CNBD1: variants seen among roughly 807,000 people sequenced by gnomAD.
The protein encoded by CNBD1 is cyclic nucleotide-binding domain-containing protein 1.
In CNBD1, 71 loss-of-function variants were observed where a neutral mutation model predicts 54.4. The observed-to-expected ratio is 1.30, with a 90% CI of 1.08 to 1.59. The LOEUF is 1.59. Ranked by LOEUF, CNBD1 falls within the 40% of genes most tolerant of loss-of-function variation. The pLI is 0.00. For synonymous variants in CNBD1, 182 were observed against 170.7 expected (o/e 1.07, Z -0.51); for missense variants, 659 against 518.0 (o/e 1.27, Z -2.64).
At chr8:87,089,003 TAAG>T (rs1586248189) in intron 4 of CNBD1, among the ~76,000 whole-genome samples, 1 of 152,148 alleles carries the variant, frequency 6.6e-6, no homozygotes, top group Non-Finnish European at 1.5e-5. Flanking sequence ...TGACTTTGAC[TAAG>T]AAGATTTACG....
At chr8:87,249,367 G>T (rs918483907) in intron 6 of CNBD1, among the ~76,000 whole-genome samples, 1 of 152,098 alleles carries the variant, frequency 6.6e-6, no homozygotes, top group Non-Finnish European at 1.5e-5. Flanking sequence ...CCCATTGCTT[G>T]TGCTGTGTGG....
intron 1 of CNBD1, among the ~76,000 whole-genome samples, chr8:86,867,108 A>G (rs1447078806): frequency 6.6e-6 from 1 of 152,222 alleles, no homozygotes; most frequent in African/African-American, 2.4e-5. Flanking sequence ...AATTAAGTAT[A>G]GAACTAGATA....
At chr8:87,296,592 T>G (rs999892088) in intron 8 of CNBD1, among the ~76,000 whole-genome samples, 17 of 146,336 alleles carry the variant, frequency 1.2e-4, no homozygotes, top group African/African-American at 4.1e-4. Context: ...TATATATATG[T>G]CTATATAATT....
intron 6 of CNBD1, among the ~76,000 whole-genome samples, chr8:87,266,073 A>G (rs540187189): frequency 6.6e-6 from 1 of 152,094 alleles, no homozygotes; most frequent in Non-Finnish European, 1.5e-5. Context: ...TTTTCTTTGA[A>G]AGATATCACA....
chr8:87,275,891 C>G (rs865874527), intron 6 of CNBD1, among the ~76,000 whole-genome samples: 9 of 151,992 alleles, frequency 5.9e-5, no homozygotes, highest in Admixed American at 2.0e-4. Flanking sequence ...GATACAAAAT[C>G]AATGTACAAA....
chr8:87,364,189 CA>C (rs1159832553), intron 10 of CNBD1, among the ~76,000 whole-genome samples: 1 of 151,216 alleles, frequency 6.6e-6, no homozygotes, highest in East Asian at 1.9e-4. Flanking sequence ...GAGATTATCT[CA>C]AAAAATATTG....
At chr8:86,916,183 T>A (rs1809181693) in intron 3 of CNBD1, among the ~76,000 whole-genome samples, 1 of 152,080 alleles carries the variant, frequency 6.6e-6, no homozygotes, top group Admixed American at 6.6e-5. Flanking sequence ...AGAATTTGAC[T>A]AAGGGGCATG....
In CNBD1 at chr8:86,977,003, A is replaced by G. The variant is rs2130501171; in HGVS notation, c.431+37249A>G. On this transcript the variant is annotated intron_variant, in intron 4 of 10. Coordinates refer to ENST00000518476, the MANE Select transcript of CNBD1 (RefSeq NM_173538.3). The stretch of plus-strand genomic sequence containing the variant: ...TTTTACTTTTTCCTTTCCTATTTCA[A>G]TGTCTTTTATTTCTTTCTCTTGCAA... Among the ~76,000 whole-genome samples, 2 of 152,044 alleles carry G rather than the reference A, an allele frequency of 1.3e-5. 1 individual carries two copies. Among genetic ancestry groups the G allele is most frequent in the South Asian group, 4.2e-4 (2 of 4,812 alleles).
intron 4 of CNBD1, among the ~76,000 whole-genome samples, chr8:87,115,321 C>G (rs200314963): frequency 6.6e-6 from 1 of 152,142 alleles, no homozygotes; most frequent in Non-Finnish European, 1.5e-5. Context: ...CCATTTCGAA[C>G]AGTAATGTGA....
At chr8:87,026,944 C>T (rs771700457) in intron 4 of CNBD1, among the ~76,000 whole-genome samples, 29 of 152,076 alleles carry the variant, frequency 1.9e-4, no homozygotes, top group East Asian at 5.8e-4. Flanking sequence ...ACATAACACC[C>T]GGACAAAAAT....
intron 2 of CNBD1, among the ~76,000 whole-genome samples, chr8:87,412,646 G>T (rs1586086848): frequency 6.6e-6 from 1 of 152,040 alleles, no homozygotes; most frequent in Non-Finnish European, 1.5e-5. Flanking sequence ...GCAAAAAGTG[G>T]CTGAGACAGG....
At chr8:87,123,303 G>A (rs117400590) in intron 4 of CNBD1, among the ~76,000 whole-genome samples, 1,796 of 151,652 alleles carry the variant, frequency 0.012, 16 homozygotes, top group Middle Eastern at 0.027. Context: ...AAATTTAAAA[G>A]TATTTAAATT....
At chr8:87,303,788 A>C (rs184214438) in intron 8 of CNBD1, among the ~76,000 whole-genome samples, 1 of 131,298 alleles carries the variant, frequency 7.6e-6, no homozygotes, top group Non-Finnish European at 1.7e-5. Flanking sequence ...ACAAATTTAC[A>C]AGAAAAAAAA....
chr8:87,078,811 G>T (rs1015730674), intron 4 of CNBD1, among the ~76,000 whole-genome samples: 5 of 152,196 alleles, frequency 3.3e-5, no homozygotes, highest in Non-Finnish European at 7.4e-5. Flanking sequence ...GATATCCAAT[G>T]ACAGCAGTCA....
At chr8:87,346,053 GT>G (rs1810169550) in intron 8 of CNBD1, among the ~76,000 whole-genome samples, 1 of 146,182 alleles carries the variant, frequency 6.8e-6, no homozygotes, top group Non-Finnish European at 1.5e-5. Flanking sequence ...TCTTTTTTTT[GT>G]GGGGGGGACA....
In CNBD1 at chr8:87,207,617, A is replaced by G. The variant is rs573352770; in HGVS notation, c.577+1479A>G. On this transcript the variant is annotated intron_variant, in intron 5 of 10. Transcript: ENST00000518476. ...CTAAAATTAACTCTTTCTTCTACATATATTTGAGTTGGTTTTATTCTCTCA... is the reference window on the plus strand; with the variant it reads ...CTAAAATTAACTCTTTCTTCTACATGTATTTGAGTTGGTTTTATTCTCTCA... Among the ~76,000 whole-genome samples the G allele has an allele frequency of 1.8e-3, 277 of 152,200 alleles. 1 individual carries two copies. The highest frequency in any genetic ancestry group is 6.4e-3 in the African/African-American group (266 of 41,552).
At chr8:87,240,300 C>A (rs1807668670) in intron 6 of CNBD1, among the ~76,000 whole-genome samples, 1 of 151,938 alleles carries the variant, frequency 6.6e-6, no homozygotes, top group African/African-American at 2.4e-5. Flanking sequence ...AAGTAGTTTT[C>A]TTTGAAATAC....
intron 4 of CNBD1, among the ~76,000 whole-genome samples, chr8:87,148,741 A>G (rs189050680): frequency 6.6e-6 from 1 of 152,314 alleles, no homozygotes; most frequent in Admixed American, 6.5e-5. Flanking sequence ...ATAATATGGT[A>G]GGAGCCTTAG....
chr8:87,280,812 AAGC>A (rs1808586014), intron 6 of CNBD1, among the ~76,000 whole-genome samples: 1 of 151,568 alleles, frequency 6.6e-6, no homozygotes, highest in Non-Finnish European at 1.5e-5. Flanking sequence ...AGTTGAAAAA[AAGC>A]ATGAGAATAC....
Sources: allele counts gnomAD v4.1 joint callset (sites outside exome capture counted in the v4.1 genomes callset), GRCh38; gene constraint gnomAD v4.1.1; transcripts MANE v1.5; gene names NCBI Gene and HGNC (gene_info 2026-07-23, HGNC 2026-07-21).